CDC14B: variants seen among roughly 807,000 people sequenced by gnomAD.
CDC14B encodes the protein cell division cycle 14B.
In CDC14B, 22 loss-of-function variants were observed where a neutral mutation model predicts 64.2. The observed-to-expected ratio is 0.34, with a 90% CI of 0.24 to 0.49. The LOEUF (loss-of-function observed/expected upper bound fraction) is 0.49. Among genes scored for constraint, CDC14B ranks in the 20% least tolerant of loss-of-function variants. CDC14B has a pLI of 0.99. For synonymous variants in CDC14B, 191 were observed against 215.8 expected (o/e 0.89, Z 1.01); for missense variants, 498 against 629.9 (o/e 0.79, Z 2.24).
At chr9:96,615,633 T>C (rs1193992316) in intron 1 of CDC14B, among the ~76,000 whole-genome samples, 1 of 152,220 alleles carries the variant, frequency 6.6e-6, no homozygotes, top group African/African-American at 2.4e-5. Context: ...GAATAATTGG[T>C]GCATTGCTTG....
intron 1 of CDC14B, among the ~76,000 whole-genome samples, chr9:96,592,911 T>C (rs1845866410): frequency 1.3e-5 from 2 of 152,062 alleles, no homozygotes; most frequent in African/African-American, 4.8e-5. Flanking sequence ...AAAAAGCCAT[T>C]TGGTATTCAT....
intron 1 of CDC14B, among the ~76,000 whole-genome samples, chr9:96,598,630 C>T (rs1231496966): frequency 6.6e-6 from 1 of 152,150 alleles, no homozygotes; most frequent in African/African-American, 2.4e-5. Context: ...CCACTGTGCC[C>T]GGCCTATTTG....
intron 9 of CDC14B, among the ~76,000 whole-genome samples, chr9:96,530,941 A>G (rs1267722434): frequency 1.3e-5 from 2 of 152,200 alleles, no homozygotes; most frequent in Non-Finnish European, 2.9e-5. Context: ...TTAACGTGGT[A>G]TATCACACTG....
intron 9 of CDC14B, among the ~76,000 whole-genome samples, 182 bp downstream of exon 9, chr9:96,533,745 T>A (rs1564266979): frequency 6.6e-6 from 1 of 152,264 alleles, no homozygotes; most frequent in Non-Finnish European, 1.5e-5. Flanking sequence ...ATGTGATGTA[T>A]TTGTAGAATT....
intron 1 of CDC14B, among the ~76,000 whole-genome samples, chr9:96,585,542 G>C (rs1271013680): frequency 6.6e-6 from 1 of 152,042 alleles, no homozygotes; most frequent in Non-Finnish European, 1.5e-5. Flanking sequence ...TCAGTATCAG[G>C]GAAATGCAAA....
chr9:96,511,857 C>A (rs1024330155), intron 12 of CDC14B, among the ~76,000 whole-genome samples: 9 of 152,078 alleles, frequency 5.9e-5, no homozygotes, highest in African/African-American at 2.2e-4. Context: ...CTTTGGGAGA[C>A]CAAGGCAGGA....
chr9:96,597,512 A>T (rs530299117), intron 1 of CDC14B, among the ~76,000 whole-genome samples: 1 of 152,076 alleles, frequency 6.6e-6, no homozygotes, highest in Non-Finnish European at 1.5e-5. Context: ...AAAAAAAAAA[A>T]AAAAGACAGA....
intron 1 of CDC14B, among the ~76,000 whole-genome samples, chr9:96,591,822 T>G (rs1262646128): frequency 6.6e-6 from 1 of 151,894 alleles, no homozygotes; most frequent in Non-Finnish European, 1.5e-5. Flanking sequence ...CTAGGCTCAC[T>G]GCAAGCTCCG....
chr9:96,538,920 T>A, intron 7 of CDC14B, 158 bp downstream of exon 7: 1 of 596,432 alleles, frequency 1.7e-6, no homozygotes, highest in Non-Finnish European at 3.0e-6. Flanking sequence ...ATGAATATGT[T>A]AATTAGCTTG....
intron 1 of CDC14B, among the ~76,000 whole-genome samples, chr9:96,569,154 G>A (rs150394588): frequency 3.3e-5 from 5 of 152,250 alleles, no homozygotes; most frequent in Non-Finnish European, 5.9e-5. Flanking sequence ...TGCATTGTAC[G>A]ATGTATTACC....
At chr9:96,577,720 A>G (rs1325382856) in intron 1 of CDC14B, among the ~76,000 whole-genome samples, 1 of 152,230 alleles carries the variant, frequency 6.6e-6, no homozygotes, top group East Asian at 1.9e-4. Flanking sequence ...GAAAGCTGAC[A>G]GTATTTACAT....
At chr9:96,495,413 T>G (rs1394906471), downstream of CDC14B, among the ~76,000 whole-genome samples, 1 of 42,922 alleles carries the variant, frequency 2.3e-5, no homozygotes, top group Non-Finnish European at 4.6e-5. Flanking sequence ...CCCCCGCCCC[T>G]GCCCAGGAAC....
intron 4 of CDC14B, among the ~76,000 whole-genome samples, chr9:96,561,861 C>A (rs1314738747): frequency 4.6e-5 from 7 of 151,922 alleles, no homozygotes; most frequent in African/African-American, 1.5e-4. Context: ...GAAGAAACAT[C>A]CCCTGGCTAC....
At chr9:96,498,497 ACT>A (rs984460602), downstream of CDC14B, among the ~76,000 whole-genome samples, 5 of 151,982 alleles carry the variant, frequency 3.3e-5, no homozygotes, top group African/African-American at 1.2e-4. Flanking sequence ...CTGAACAACC[ACT>A]CTCGAGACTT....
At chr9:96,570,965 C>G (rs1046620908) in intron 1 of CDC14B, among the ~76,000 whole-genome samples, 1 of 152,074 alleles carries the variant, frequency 6.6e-6, no homozygotes, top group African/African-American at 2.4e-5. Flanking sequence ...AGGATTTTAG[C>G]ACAGCAACGT....
chr9:96,580,432 T>C (rs906285553), intron 1 of CDC14B, among the ~76,000 whole-genome samples: 1 of 152,154 alleles, frequency 6.6e-6, no homozygotes, highest in Non-Finnish European at 1.5e-5. Context: ...GGTTTCTCCA[T>C]GTTAATCAGG....
chr9:96,521,727 A>G (rs1329009215), intron 12 of CDC14B, among the ~76,000 whole-genome samples: 2 of 152,216 alleles, frequency 1.3e-5, no homozygotes, highest in African/African-American at 4.8e-5. Context: ...TAAATGATCT[A>G]TGTCCATCAC....
At chr9:96,555,217 G>A (rs1304504816) in intron 4 of CDC14B, among the ~76,000 whole-genome samples, 28 of 152,162 alleles carry the variant, frequency 1.8e-4, no homozygotes, top group Non-Finnish European at 5.9e-5. Flanking sequence ...GAGTAATAGG[G>A]TGTGATTTCA....
At chr9:96,543,701 C>A (rs372325973) in intron 5 of CDC14B, among the ~76,000 whole-genome samples, 3 of 152,162 alleles carry the variant, frequency 2.0e-5, no homozygotes, top group African/African-American at 7.2e-5. Context: ...AAGATGAAAT[C>A]TTCTGGAATT....
Sources: gnomAD v4.1 joint callset for allele counts (sites outside exome capture counted in the v4.1 genomes callset) on GRCh38, gnomAD v4.1.1 for gene constraint, MANE v1.5 for transcripts, NCBI Gene and HGNC (gene_info 2026-07-23, HGNC 2026-07-21) for gene names.